The following DTNA variants were observed in gnomAD, a reference collection of about 807,000 sequenced individuals.
DTNA encodes the protein dystrophin-related protein 3.
Under a neutral mutation model 100.7 loss-of-function variants are expected in DTNA, and 43 were observed. That is an observed-to-expected ratio of 0.43 (90% CI 0.33 to 0.55). DTNA has a LOEUF of 0.55. Among genes scored for constraint, DTNA ranks in the 20% least tolerant of loss-of-function variants. The probability of loss-of-function intolerance (pLI) is 0.04; values close to 1 mark genes in which losing one functional copy is unlikely to be tolerated. For synonymous variants in DTNA, 349 were observed against 347.9 expected (o/e 1.00, Z -0.04); for missense variants, 798 against 953.9 (o/e 0.84, Z 2.15).
chr18:34,543,137 A>T (rs571420049), intron 1 of DTNA, among the ~76,000 whole-genome samples: 1 of 152,164 alleles, frequency 6.6e-6, no homozygotes, highest in South Asian at 2.1e-4. Context: ...ATTTCCAGAA[A>T]TAATATTAGA....
At chr18:34,567,697 CCT>C (rs1377018582) in intron 1 of DTNA, among the ~76,000 whole-genome samples, 3 of 152,098 alleles carry the variant, frequency 2.0e-5, no homozygotes, top group African/African-American at 7.2e-5. Context: ...AAAAATTTTA[CCT>C]AACTGCTATT....
At chr18:34,838,720 T>C (rs775798355) in intron 12 of DTNA, 25 bp from the exon 13 acceptor site, 2 of 1,602,518 alleles carry the variant, frequency 1.2e-6, no homozygotes, top group South Asian at 2.2e-5. Context: ...AACAACACGC[T>C]TTCTTTCCCC....
chr18:34,509,984 A>G (rs553063219), intron 1 of DTNA, among the ~76,000 whole-genome samples: 1 of 152,156 alleles, frequency 6.6e-6, no homozygotes, highest in South Asian at 2.1e-4. Context: ...AGTGGTTATA[A>G]AAGCAAAATA....
At chr18:34,547,554 C>T (rs1310565907) in intron 1 of DTNA, among the ~76,000 whole-genome samples, 2 of 152,050 alleles carry the variant, frequency 1.3e-5, no homozygotes, top group African/African-American at 4.8e-5. Context: ...ACACATTGCC[C>T]TTATACTGGA....
At chr18:34,737,207 C>A (rs1218690585) in intron 1 of DTNA, among the ~76,000 whole-genome samples, 1 of 152,108 alleles carries the variant, frequency 6.6e-6, no homozygotes, top group Non-Finnish European at 1.5e-5. Context: ...GAAGAACTAG[C>A]TAATATGTAT....
At chr18:34,645,891 C>T (rs1259596392) in intron 1 of DTNA, among the ~76,000 whole-genome samples, 1 of 151,914 alleles carries the variant, frequency 6.6e-6, no homozygotes, top group Non-Finnish European at 1.5e-5. Context: ...TAATATTTTC[C>T]TCTTGGTACA....
chr18:34,556,160 A>C (rs1217950025), intron 1 of DTNA, among the ~76,000 whole-genome samples: 5 of 151,306 alleles, frequency 3.3e-5, no homozygotes, highest in Admixed American at 6.6e-5. Context: ...TTGTTGGTTT[A>C]AGGTCTGTTT....
chr18:34,608,879 T>C (rs1198945011), intron 1 of DTNA, among the ~76,000 whole-genome samples: 1 of 152,224 alleles, frequency 6.6e-6, no homozygotes, highest in Non-Finnish European at 1.5e-5. Context: ...AGATACCTTC[T>C]CTAAGTGCTA....
At position 34,846,564 on chromosome 18, in the gene DTNA, A is replaced by G. The variant is rs569202548; in HGVS notation, c.1347-1732A>G. Among the ~76,000 whole-genome samples the G allele has an allele frequency of 1.9e-3, 286 of 152,284 alleles. 1 individual carries two copies. Among genetic ancestry groups the G allele is most frequent in the Middle Eastern group, 3.4e-3 (1 of 294 alleles). On this transcript the variant is annotated intron_variant, in intron 13 of 22. Transcript: ENST00000444659. ...TAGCTCAGAGAAAAGGGCTAAGTCTAGAGTGGAAGTATTCATATTAAAACA... is the reference window on the plus strand; with the variant it reads ...TAGCTCAGAGAAAAGGGCTAAGTCTGGAGTGGAAGTATTCATATTAAAACA...
rs185261925 is a variant in DTNA at position 34,817,875 on chromosome 18, T to G, written c.710-289T>G. 2.5e-3 allele frequency: 2,799 copies of G among 1,126,222 alleles called. 5 individuals are homozygous for G. The highest frequency in any genetic ancestry group is 5.9e-3 in the Middle Eastern group (16 of 2,690). The allele number at this position is 1,126,222 out of a possible 1,614,324, so 69.8% of individuals were successfully genotyped here. On this transcript the variant is annotated intron_variant, in intron 7 of 22. Transcript: ENST00000444659. ...GCAAGTCTGTTTGGCTAATTTAAATTCTTGTAATGTGAGAGATGGGAATAG... is the reference window on the plus strand; with the variant it reads ...GCAAGTCTGTTTGGCTAATTTAAATGCTTGTAATGTGAGAGATGGGAATAG...
At chr18:34,732,688 T>G (rs899828) in intron 1 of DTNA, among the ~76,000 whole-genome samples, 9,021 of 152,314 alleles carry the variant, frequency 0.059, 343 homozygotes, top group Non-Finnish European at 0.089. Context: ...GAAAATTAAA[T>G]CACACAACAA....
intron 7 of DTNA, among the ~76,000 whole-genome samples, chr18:34,816,518 A>G (rs1425200928): frequency 2.6e-5 from 4 of 152,220 alleles, no homozygotes; most frequent in African/African-American, 9.6e-5. Context: ...CTTTCGTATC[A>G]TGTCTTTTTT....
chr18:34,713,081 T>C (rs2083227535), intron 1 of DTNA, among the ~76,000 whole-genome samples: 1 of 151,996 alleles, frequency 6.6e-6, no homozygotes, highest in Non-Finnish European at 1.5e-5. Context: ...ATTTTTGACA[T>C]GAAAAGAATT....
intron 1 of DTNA, among the ~76,000 whole-genome samples, chr18:34,646,071 T>C (rs943805666): frequency 4.6e-5 from 7 of 152,186 alleles, no homozygotes; most frequent in Admixed American, 4.6e-4. Flanking sequence ...GGTTCAGTAT[T>C]TTAAGAAATG....
At chr18:34,808,937 C>T (rs1172888485) in intron 5 of DTNA, among the ~76,000 whole-genome samples, 1 of 152,168 alleles carries the variant, frequency 6.6e-6, no homozygotes, top group Non-Finnish European at 1.5e-5. Flanking sequence ...GAGAGCAGTG[C>T]ACCTGAATCA....
At chr18:34,867,605 T>C (rs2096719819) in intron 17 of DTNA, 2 of 1,019,736 alleles carry the variant, frequency 2.0e-6, no homozygotes, top group Non-Finnish European at 1.2e-6. Flanking sequence ...GGTTCAATTA[T>C]AACCTCCCTC....
At chr18:34,860,117 G>A (rs2096600789) in intron 16 of DTNA, among the ~76,000 whole-genome samples, 1 of 151,854 alleles carries the variant, frequency 6.6e-6, no homozygotes, top group Non-Finnish European at 1.5e-5. Context: ...CACGATCTCG[G>A]CTCACTGCAA....
intron 1 of DTNA, among the ~76,000 whole-genome samples, chr18:34,739,262 T>C (rs1016400621): frequency 1.3e-5 from 2 of 152,310 alleles, no homozygotes; most frequent in East Asian, 3.9e-4. Flanking sequence ...ATTTTCTTTT[T>C]GTTTGGAGGT....
chr18:34,888,646 C>T lies in DTNA; in HGVS notation c.*912C>T, dbSNP rs1341240852. 16 of 985,664 alleles carry T rather than the reference C, an allele frequency of 1.6e-5. No individual in the cohort carries two copies. Among genetic ancestry groups the T allele is most frequent in the Non-Finnish European group, 1.9e-5 (16 of 829,922 alleles). 61.1% of individuals were successfully genotyped at this position (985,664 alleles called of 1,614,324 possible). A position where few individuals can be genotyped will look rare whatever the true frequency, so the allele number is the denominator to read the frequency against. On this transcript the variant is annotated 3_prime_UTR_variant, in exon 23 of 23. Transcript: ENST00000444659. ...ACTGTGAACTATGTTTTGAAATACTCGTTACTAAAGCTGTTTATAAACCAC... is the reference window on the plus strand; with the variant it reads ...ACTGTGAACTATGTTTTGAAATACTTGTTACTAAAGCTGTTTATAAACCAC...
Sources: allele counts gnomAD v4.1 joint callset (sites outside exome capture counted in the v4.1 genomes callset), GRCh38; gene constraint gnomAD v4.1.1; transcripts MANE v1.5; gene names NCBI Gene and HGNC (gene_info 2026-07-23, HGNC 2026-07-21).